The following MSRB3 variants were observed in gnomAD, a reference collection of about 807,000 sequenced individuals.
MSRB3 encodes the protein methionine sulfoxide reductase B3.
A neutral mutation model predicts 21.0 loss-of-function variants in MSRB3; 13 were observed. That is an observed-to-expected ratio of 0.62 (90% CI 0.40 to 0.98). The LOEUF is 0.98. MSRB3 is among the 50% of genes least tolerant of loss of function. The pLI, the probability that MSRB3 is intolerant of heterozygous loss-of-function variation, is 0.00. For missense variants in MSRB3, 199 were observed against 230.3 expected (o/e 0.86, Z 0.88); for synonymous variants, 87 against 88.6 (o/e 0.98, Z 0.10).
intron 5 of MSRB3, among the ~76,000 whole-genome samples, chr12:65,406,197 G>A (rs1459895102): frequency 6.6e-6 from 1 of 152,118 alleles, no homozygotes; most frequent in African/African-American, 2.4e-5. Flanking sequence ...TAGTTTTACA[G>A]TTTCAAGTTT....
chr12:65,416,513 T>TAGC (rs1880984127), intron 5 of MSRB3, among the ~76,000 whole-genome samples: 1 of 152,204 alleles, frequency 6.6e-6, no homozygotes, highest in Admixed American at 6.5e-5. Context: ...CTAGATGGGA[T>TAGC]AGCCTACTAC....
intron 5 of MSRB3, among the ~76,000 whole-genome samples, chr12:65,385,464 T>C (rs923882959): frequency 6.6e-6 from 1 of 152,060 alleles, no homozygotes; most frequent in African/African-American, 2.4e-5. Context: ...AGATATCTTA[T>C]AGCACCATTT....
intron 1 of MSRB3, among the ~76,000 whole-genome samples, chr12:65,292,427 G>A (rs541531151): frequency 1.5e-4 from 23 of 149,740 alleles, no homozygotes; most frequent in Admixed American, 9.2e-4. Context: ...GTTAACTAGC[G>A]TTGTCATTGT....
rs146932193 is a variant in MSRB3, at chr12:65,300,378, A to G, written c.-51-8151A>G. 5.3e-3 allele frequency among the ~76,000 whole-genome samples: 803 copies of G among 152,250 alleles called. 19 individuals carry two copies. The highest frequency in any genetic ancestry group is 3.3e-3 in the Non-Finnish European group (225 of 68,012). On this transcript the variant is annotated intron_variant, in intron 1 of 6. Transcript: ENST00000308259. Reference sequence around the variant, plus strand: ...TGACTAAATTAAGAATCTCTTTGGGATATTTAGGATAGAAGGGATGACTAA... The same window carrying G: ...TGACTAAATTAAGAATCTCTTTGGGGTATTTAGGATAGAAGGGATGACTAA...
intron 4 of MSRB3, among the ~76,000 whole-genome samples, chr12:65,367,501 A>G (rs151221281): frequency 6.6e-6 from 1 of 152,366 alleles, no homozygotes; most frequent in African/African-American, 2.4e-5. Flanking sequence ...AAATTCTCTT[A>G]ACAGACATTT....
chr12:65,361,178 T>C (rs889659698), intron 4 of MSRB3, among the ~76,000 whole-genome samples: 2 of 152,132 alleles, frequency 1.3e-5, no homozygotes, highest in African/African-American at 4.8e-5. Context: ...ATTGTTTCGA[T>C]GAAAGCTACC....
chr12:65,422,320 G>A (rs967687280), intron 5 of MSRB3, among the ~76,000 whole-genome samples: 4 of 141,918 alleles, frequency 2.8e-5, no homozygotes, highest in African/African-American at 7.8e-5. Flanking sequence ...ACAGATAATC[G>A]AGGTAGAAAA....
At chr12:65,331,378 T>C (rs1287611249) in intron 4 of MSRB3, among the ~76,000 whole-genome samples, 1 of 152,154 alleles carries the variant, frequency 6.6e-6, no homozygotes, top group African/African-American at 2.4e-5. Context: ...TCCTAGGAAC[T>C]GAGATAGATA....
chr12:65,458,383 A>C (rs1883184281), intron 6 of MSRB3, among the ~76,000 whole-genome samples: 1 of 152,200 alleles, frequency 6.6e-6, no homozygotes, highest in African/African-American at 2.4e-5. Context: ...CATTGTAAAG[A>C]GGTTTGTCCA....
intron 4 of MSRB3, among the ~76,000 whole-genome samples, chr12:65,335,793 T>C (rs1407749598): frequency 1.3e-5 from 2 of 152,212 alleles, no homozygotes. Flanking sequence ...AACTTAAGCT[T>C]TCTTTTGTGG....
chr12:65,416,072 A>G lies in MSRB3; in HGVS notation c.293-37656A>G, dbSNP rs547067781. On this transcript the variant is annotated intron_variant, in intron 5 of 6. Transcript: ENST00000308259. ...ATATACAAAGTGAGTCAACAGTTAC[A>G]GAGGATAAGGCATGAAGCAGCCCAG... 5.9e-5 allele frequency among the ~76,000 whole-genome samples: 9 copies of G among 152,342 alleles called. 1 individual carries two copies. The highest frequency in any genetic ancestry group is 2.1e-4 in the South Asian group (1 of 4,830).
chr12:65,317,981 A>T (rs184457261), intron 2 of MSRB3, among the ~76,000 whole-genome samples: 1 of 152,288 alleles, frequency 6.6e-6, no homozygotes, highest in East Asian at 1.9e-4. Context: ...GGATGCAAAG[A>T]TGACTAAAAT....
intron 5 of MSRB3, among the ~76,000 whole-genome samples, chr12:65,390,876 C>G (rs1879448379): frequency 6.6e-6 from 1 of 152,110 alleles, no homozygotes; most frequent in Non-Finnish European, 1.5e-5. Context: ...GTTTAATTTA[C>G]AAGAACATGT....
chr12:65,330,125 C>T (rs1318665402), intron 4 of MSRB3, among the ~76,000 whole-genome samples: 1 of 152,198 alleles, frequency 6.6e-6, no homozygotes, highest in Non-Finnish European at 1.5e-5. Context: ...GATTCTCCAT[C>T]CCCTTCCCTA....
chr12:65,447,411 C>T (rs1882667350), intron 5 of MSRB3, among the ~76,000 whole-genome samples: 1 of 152,096 alleles, frequency 6.6e-6, no homozygotes, highest in African/African-American at 2.4e-5. Flanking sequence ...TAAAATAAAA[C>T]AACTCTCTAG....
chr12:65,419,530 A>G (rs1321116829), intron 5 of MSRB3: 2 of 740,476 alleles, frequency 2.7e-6, no homozygotes, highest in Admixed American at 3.5e-5. Flanking sequence ...CTTGACTCTA[A>G]AGGCATCAGC....
chr12:65,288,366 G>A (rs986615762), intron 1 of MSRB3, among the ~76,000 whole-genome samples: 1 of 150,740 alleles, frequency 6.6e-6, no homozygotes, highest in Non-Finnish European at 1.5e-5. Flanking sequence ...CCAACTTTCT[G>A]TAATTTTTAA....
intron 5 of MSRB3, among the ~76,000 whole-genome samples, chr12:65,432,780 T>C (rs936974259): frequency 6.6e-6 from 1 of 151,988 alleles, no homozygotes; most frequent in African/African-American, 2.4e-5. Flanking sequence ...ATGTTGCTAA[T>C]GATGCTGGGG....
At chr12:65,307,661 A>G (rs1873737752) in intron 1 of MSRB3, among the ~76,000 whole-genome samples, 1 of 152,182 alleles carries the variant, frequency 6.6e-6, no homozygotes, top group Admixed American at 6.6e-5. Flanking sequence ...AGAAAATCCT[A>G]AGAATTGAAC....
Sources: gnomAD v4.1 joint callset for allele counts (sites outside exome capture counted in the v4.1 genomes callset) on GRCh38, gnomAD v4.1.1 for gene constraint, MANE v1.5 for transcripts, NCBI Gene and HGNC (gene_info 2026-07-23, HGNC 2026-07-21) for gene names.